The following FHIP1A variants were observed in gnomAD, a reference collection of about 807,000 sequenced individuals.
FHIP1A encodes the protein FHF complex subunit HOOK-interacting protein 1A.
FHIP1A carries 61 observed loss-of-function variants against 88.6 expected under a neutral mutation model. That is an observed-to-expected ratio of 0.69 (90% CI 0.56 to 0.85). FHIP1A has a LOEUF of 0.85. Ranked by LOEUF, FHIP1A falls within the 40% of genes least tolerant of loss-of-function variation. The pLI is 0.00. For missense variants in FHIP1A, 1,154 were observed against 1,273.5 expected (o/e 0.91, Z 1.43); for synonymous variants, 478 against 496.0 (o/e 0.96, Z 0.48).
At chr4:151,477,779 A>T (rs1338216507) in intron 2 of FHIP1A, among the ~76,000 whole-genome samples, 1 of 151,900 alleles carries the variant, frequency 6.6e-6, no homozygotes, top group Non-Finnish European at 1.5e-5. Context: ...TTACAACTAC[A>T]CCGAGGTACC....
chr4:151,610,471 A>G (rs1735280269), intron 7 of FHIP1A, among the ~76,000 whole-genome samples: 1 of 152,228 alleles, frequency 6.6e-6, no homozygotes. Context: ...TGTAGAAATC[A>G]GGTTTATTAG....
intron 13 of FHIP1A, among the ~76,000 whole-genome samples, chr4:151,660,894 C>T (rs531977481): frequency 1.3e-5 from 2 of 152,306 alleles, no homozygotes; most frequent in South Asian, 4.1e-4. Flanking sequence ...ATCCTTATAA[C>T]AACTCTATGA....
chr4:151,443,394 C>A (rs1019292445), intron 1 of FHIP1A, among the ~76,000 whole-genome samples: 2 of 152,092 alleles, frequency 1.3e-5, no homozygotes, highest in Non-Finnish European at 2.9e-5. Flanking sequence ...CATAGAACTC[C>A]TGGATTTAAG....
chr4:151,575,494 C>T (rs958945868), intron 4 of FHIP1A, among the ~76,000 whole-genome samples: 3 of 152,070 alleles, frequency 2.0e-5, no homozygotes, highest in African/African-American at 7.2e-5. Context: ...ATAGTGGGTG[C>T]ACTTTGGAGT....
At chr4:151,538,894 A>T (rs148213850) in intron 3 of FHIP1A, among the ~76,000 whole-genome samples, 1 of 152,362 alleles carries the variant, frequency 6.6e-6, no homozygotes, top group East Asian at 1.9e-4. Context: ...GCCAATTTGT[A>T]ATAGTTTTAC....
At chr4:151,468,917 C>T (rs998760362) in intron 2 of FHIP1A, among the ~76,000 whole-genome samples, 4 of 152,148 alleles carry the variant, frequency 2.6e-5, no homozygotes, top group African/African-American at 9.7e-5. Flanking sequence ...TTCTCAGTGT[C>T]TTTATGATTC....
chr4:151,425,116 A>G (rs754710793), intron 1 of FHIP1A, among the ~76,000 whole-genome samples: 1 of 152,224 alleles, frequency 6.6e-6, no homozygotes, highest in Non-Finnish European at 1.5e-5. Flanking sequence ...ATTGGATACA[A>G]TAGGTTCTGT....
At chr4:151,600,578 G>T (rs2126828244) in intron 7 of FHIP1A, among the ~76,000 whole-genome samples, 1 of 152,276 alleles carries the variant, frequency 6.6e-6, no homozygotes, top group Non-Finnish European at 1.5e-5. Context: ...AACAGCCATT[G>T]GTTATTAGTA....
At chr4:151,571,593 ACAT>A (rs1733605644) in intron 4 of FHIP1A, among the ~76,000 whole-genome samples, 1 of 152,216 alleles carries the variant, frequency 6.6e-6, no homozygotes, top group South Asian at 2.1e-4. Flanking sequence ...CATGGATTTG[ACAT>A]GTGTACTGTA....
intron 9 of FHIP1A, among the ~76,000 whole-genome samples, chr4:151,640,454 A>G (rs987633016): frequency 1.3e-5 from 2 of 152,214 alleles, no homozygotes; most frequent in Non-Finnish European, 2.9e-5. Flanking sequence ...GTAGAACATT[A>G]GTTATCTTTC....
chr4:151,450,093 A>G (rs1280912724), intron 1 of FHIP1A, among the ~76,000 whole-genome samples: 1 of 152,184 alleles, frequency 6.6e-6, no homozygotes, highest in Non-Finnish European at 1.5e-5. Flanking sequence ...ACATTTCATA[A>G]AAGTTTAAAA....
chr4:151,584,043 T>A (rs1734119327), intron 5 of FHIP1A, among the ~76,000 whole-genome samples: 1 of 152,200 alleles, frequency 6.6e-6, no homozygotes, highest in Non-Finnish European at 1.5e-5. Flanking sequence ...AGTAAATGAA[T>A]GAATGATTAA....
chr4:151,581,487 G>A (rs1734024291), intron 5 of FHIP1A, among the ~76,000 whole-genome samples: 1 of 152,028 alleles, frequency 6.6e-6, no homozygotes, highest in Non-Finnish European at 1.5e-5. Flanking sequence ...TGCATCATAA[G>A]CAGATTTTAG....
At position 151,665,710 on chromosome 4, in the gene FHIP1A, G is replaced by A. The variant is rs573795346; in HGVS notation, c.*2956G>A. On this transcript the variant is annotated 3_prime_UTR_variant, in exon 14 of 14. Coordinates refer to ENST00000435205, the MANE Select transcript of FHIP1A (RefSeq NM_001109977.3). ...GGGTGAGAATGGGAACTCCTTGTCA[G>A]GAAAAAAATCATTGGCAATGAAGTA... 4.6e-5 allele frequency among the ~76,000 whole-genome samples: 7 copies of A among 152,250 alleles called. 1 individual carries two copies. In the South Asian group the frequency reaches 1.5e-3, roughly 32 times the overall value.
In FHIP1A at chr4:151,588,934, A is replaced by G; in HGVS notation, c.978+8A>G. ...GCTCCTGCTCTCCATAAGGTCAGTG[A>G]TTGGCTCATGTAATCTTCTGTCTCT... On this transcript the variant is annotated splice_region_variant and intron_variant, in intron 7 of 13. Transcript: ENST00000435205. 1.3e-6 allele frequency: 2 copies of G among 1,512,324 alleles called. No individual in the cohort carries two copies. The highest frequency in any genetic ancestry group is 9.0e-7 in the Non-Finnish European group (1 of 1,111,216). 93.7% of individuals were successfully genotyped at this position (1,512,324 alleles called of 1,614,324 possible). A position where few individuals can be genotyped will look rare whatever the true frequency, so the allele number is the denominator to read the frequency against.
chr4:151,500,209 G>T (rs1730600241), intron 3 of FHIP1A, among the ~76,000 whole-genome samples: 2 of 152,018 alleles, frequency 1.3e-5, no homozygotes, highest in Admixed American at 1.3e-4. Flanking sequence ...TTAAAATTTG[G>T]GTGGTAAAGG....
chr4:151,599,239 G>T (rs751744708), intron 7 of FHIP1A, among the ~76,000 whole-genome samples: 43 of 152,276 alleles, frequency 2.8e-4, no homozygotes, highest in Non-Finnish European at 1.6e-4. Context: ...GTGCAAAACT[G>T]GTTATTTATG....
intron 3 of FHIP1A, among the ~76,000 whole-genome samples, chr4:151,510,727 G>GT (rs1730999813): frequency 6.6e-6 from 1 of 152,114 alleles, no homozygotes; most frequent in South Asian, 2.1e-4. Flanking sequence ...ATTTAAAAAT[G>GT]TTTTTCTGGT....
intron 2 of FHIP1A, among the ~76,000 whole-genome samples, chr4:151,468,182 G>A (rs1160231368): frequency 1.3e-5 from 2 of 151,226 alleles, no homozygotes; most frequent in South Asian, 2.1e-4. Flanking sequence ...CTACTCCGGC[G>A]GCTGAGGCAG....
Sources: gnomAD v4.1 joint callset for allele counts (sites outside exome capture counted in the v4.1 genomes callset) on GRCh38, gnomAD v4.1.1 for gene constraint, MANE v1.5 for transcripts, NCBI Gene and HGNC (gene_info 2026-07-23, HGNC 2026-07-21) for gene names.